KMT2A: variants seen among roughly 807,000 people sequenced by gnomAD.
The protein encoded by KMT2A is histone-lysine N-methyltransferase 2A.
Under a neutral mutation model 345.3 loss-of-function variants are expected in KMT2A, and 16 were observed. That is an observed-to-expected ratio of 0.05 (90% CI 0.03 to 0.07). The LOEUF is 0.07. KMT2A is among the 10% of genes least tolerant of loss of function. The pLI, the probability that KMT2A is intolerant of heterozygous loss-of-function variation, is 1.00. For synonymous variants in KMT2A, 1,599 were observed against 1,778.6 expected (o/e 0.90, Z 2.54); for missense variants, 3,272 against 4,841.6 (o/e 0.68, Z 9.62).
In KMT2A at chr11:118,505,230, C is replaced by A; in HGVS notation, c.9338C>A (p.Ser3113Tyr). ...ATCCAATTGACCTCTTCTGTTAGTT[C>A]TACACCCAGTGTGATGGAGACAAAT... ...QKIQLTSSVS[S>Y]TPSVMETNTS... The change falls in exon 27 of 36, where the codon TCT (serine) becomes TAT (tyrosine). Residue 3113 changes from serine (S) to tyrosine (Y), a missense_variant. This residue lies in a region of KMT2A where 748 missense variants were observed against 922.2 expected (regional missense o/e 0.81). Transcript: ENST00000534358. The surrounding 1 kb of genome is among the most constrained non-coding windows in gnomAD (Gnocchi z 4.6). 6.2e-7 allele frequency: 1 copy of A among 1,614,118 alleles called. No homozygotes were observed. Among genetic ancestry groups the A allele is most frequent in the South Asian group, 1.1e-5 (1 of 91,066 alleles).
rs921145442 is a variant in KMT2A, at chr11:118,526,733, G to A, written c.*4561G>A. On this transcript the variant is annotated 3_prime_UTR_variant, in exon 36 of 36. Transcript: ENST00000534358. ...AATGTAAAAGTAAAAAGTGTACATA[G>A]TTGTAAAAAAAAGGAGTTTTTAAAC... is the stretch of plus-strand genomic sequence containing the variant. 2.6e-5 allele frequency: 6 copies of A among 229,962 alleles called. No homozygotes were observed. The highest frequency in any genetic ancestry group is 5.2e-5 in the Non-Finnish European group (6 of 116,230). 14.2% of individuals were successfully genotyped at this position (229,962 alleles called of 1,614,324 possible). A position where few individuals can be genotyped will look rare whatever the true frequency, so the allele number is the denominator to read the frequency against.
intron 31 of KMT2A, chr11:118,512,317 C>T (rs1950705774): frequency 2.4e-6 from 1 of 418,454 alleles, no homozygotes; most frequent in Non-Finnish European, 4.2e-6. Flanking sequence ...CTGGCCACCA[C>T]AAATCTACTT....
At chr11:118,464,278 G>C (rs1271990955) in intron 1 of KMT2A, among the ~76,000 whole-genome samples, 1 of 152,230 alleles carries the variant, frequency 6.6e-6, no homozygotes, top group African/African-American at 2.4e-5. Flanking sequence ...GCTCACGCCT[G>C]TTATCCCAGC....
At chr11:118,507,477 T>TAC in intron 27 of KMT2A, 52 bp from the exon 28 acceptor site, 1 of 1,491,378 alleles carries the variant, frequency 6.7e-7, no homozygotes, top group Non-Finnish European at 9.3e-7. Flanking sequence ...CCACATTCAG[T>TAC]ACATATTTAC....
At position 118,473,719 on chromosome 11, in the gene KMT2A, G is replaced by T; in HGVS notation, c.2560G>T (p.Ala854Ser). 1 of 1,614,028 alleles carries T rather than the reference G, an allele frequency of 6.2e-7. No individual in the cohort carries two copies. Among genetic ancestry groups the T allele is most frequent in the Non-Finnish European group, 8.5e-7 (1 of 1,180,000 alleles). ...TGAAAGAGGGAGAAATAAAGACAAG[G>T]CCCCCGAGGAGCTGTCCAAAGATCG... Reference protein sequence around the residue: ...QTERGRNKDKAPEELSKDRDA... With the variant: ...QTERGRNKDKSPEELSKDRDA... The change falls in exon 3 of 36, where the codon GCC (alanine) becomes TCC (serine). Residue 854 changes from alanine (A) to serine (S), a missense_variant. By Grantham distance (99) the Ala-to-Ser change is moderately conservative (BLOSUM62 1). Transcript: ENST00000534358. This position sits in a 1 kb window ranked among gnomAD's most constrained non-coding sequence, Gnocchi z 5.2.
rs1950394923 is a variant in KMT2A, at chr11:118,495,539, G to C, written c.5364-161G>C. Among the ~76,000 whole-genome samples, 1 of 152,084 alleles carries C rather than the reference G, an allele frequency of 6.6e-6. No individual in the cohort carries two copies. Among genetic ancestry groups the C allele is most frequent in the African/African-American group, 2.4e-5 (1 of 41,404 alleles). ...ATGTTGAGATATTTTTTAAAATATT[G>C]AGTTCTGTGTACTTCAGCAATTTTC... On this transcript the variant is annotated intron_variant, in intron 18 of 35. Coordinates refer to ENST00000534358, the MANE Select transcript of KMT2A (RefSeq NM_001197104.2). The surrounding 1 kb of genome is among the most constrained non-coding windows in gnomAD (Gnocchi z 4.1).
chr11:118,498,547 C>CT lies in KMT2A; in HGVS notation c.5961+22dup, dbSNP rs1555044769. 3.3e-6 allele frequency: 5 copies of CT among 1,499,892 alleles called. No homozygotes were observed. The highest frequency in any genetic ancestry group is 3.1e-5 in the African/African-American group (2 of 65,072). The allele number at this position is 1,499,892 out of a possible 1,614,324, so 92.9% of individuals were successfully genotyped here. Reference sequence around the variant, plus strand: ...AGGCGAAGTGAGAGAGCTTTAGTTGCTTTAAAAAAAAAAAAAAAGACTTTT... The same window carrying CT: ...AGGCGAAGTGAGAGAGCTTTAGTTGCTTTTAAAAAAAAAAAAAAAGACTTTT... On this transcript the variant is annotated intron_variant, in intron 22 of 35. Coordinates refer to ENST00000534358, the MANE Select transcript of KMT2A (RefSeq NM_001197104.2). This position sits in a 1 kb window ranked among gnomAD's most constrained non-coding sequence, Gnocchi z 4.4.
In KMT2A at chr11:118,498,124, G is replaced by A. The variant is rs2134365379; in HGVS notation, c.5802+51G>A. 1.3e-6 allele frequency: 2 copies of A among 1,595,668 alleles called. No homozygotes were observed. Among genetic ancestry groups the A allele is most frequent in the Non-Finnish European group, 1.7e-6 (2 of 1,166,054 alleles). On this transcript the variant is annotated intron_variant, in intron 21 of 35. Coordinates refer to ENST00000534358, the MANE Select transcript of KMT2A (RefSeq NM_001197104.2). The surrounding 1 kb of genome is among the most constrained non-coding windows in gnomAD (Gnocchi z 4.4). ...GAAAGAGATTCCCTCTCAGTTTCCAGATATTCTTCCTGTGGGTGAATATGG... is the reference window on the plus strand; with the variant it reads ...GAAAGAGATTCCCTCTCAGTTTCCAAATATTCTTCCTGTGGGTGAATATGG...
chr11:118,482,261 A>G (rs1218722671), intron 7 of KMT2A, among the ~76,000 whole-genome samples, 161 bp from the exon 8 acceptor site: 4 of 152,216 alleles, frequency 2.6e-5, no homozygotes, highest in African/African-American at 9.7e-5. Context: ...ACAGAAACAA[A>G]AAAAACAGTT....
intron 1 of KMT2A, among the ~76,000 whole-genome samples, chr11:118,444,169 G>A (rs985041821): frequency 4.6e-5 from 7 of 152,110 alleles, no homozygotes; most frequent in African/African-American, 1.7e-4. Flanking sequence ...AAACACTAGG[G>A]AAAAGTTAAT....
In KMT2A at chr11:118,502,246, C is replaced by T. The variant is rs1950511791; in HGVS notation, c.6506-152C>T. The T allele has an allele frequency of 1.9e-6, 1 of 516,722 alleles. No homozygotes were observed. The highest frequency in any genetic ancestry group is 3.8e-5 in the Admixed American group (1 of 26,086). 32.0% of individuals were successfully genotyped at this position (516,722 alleles called of 1,614,324 possible). ...CCAGCTTGGGTGACAGAGTGAGACA[C>T]TGTCTCAAAAAAGTAATAATAAATA... On this transcript the variant is annotated intron_variant, in intron 26 of 35. Transcript: ENST00000534358. This position sits in a 1 kb window ranked among gnomAD's most constrained non-coding sequence, Gnocchi z 4.9.
intron 25 of KMT2A, 132 bp from the exon 26 acceptor site, chr11:118,501,540 A>G (rs915866769): frequency 2.9e-6 from 2 of 698,254 alleles, no homozygotes; most frequent in African/African-American, 3.6e-5. Context: ...AAGCTGGGGG[A>G]AAAGTCATTT....
intron 10 of KMT2A, among the ~76,000 whole-genome samples, chr11:118,487,714 T>TGG (rs1555041270): frequency 6.6e-6 from 1 of 152,218 alleles, no homozygotes; most frequent in Admixed American, 6.5e-5. Flanking sequence ...CATGGTATAA[T>TGG]TACCAAATCA....
chr11:118,474,300 C>A lies in KMT2A; in HGVS notation c.3141C>A (p.Asp1047Glu), dbSNP rs374983006. The A allele has an allele frequency of 6.2e-7, 1 of 1,613,718 alleles. No homozygotes were observed. The highest frequency in any genetic ancestry group is 8.5e-7 in the Non-Finnish European group (1 of 1,179,970). ...AGAGTAAGAGTCTTAAACAAACCGACCAGCCCAAAGCACAGGTACTCTTTT... is the reference window on the plus strand; with the variant it reads ...AGAGTAAGAGTCTTAAACAAACCGAACAGCCCAAAGCACAGGTACTCTTTT... Reference protein sequence around the residue: ...IEKSKSLKQTDQPKAQGQESD... With the variant: ...IEKSKSLKQTEQPKAQGQESD... Residue 1047 changes from aspartate to glutamate, a missense_variant, in exon 3 of 36, where the codon GAC becomes GAA. By Grantham distance (45) the Asp-to-Glu change is conservative (BLOSUM62 2). This residue lies in a region of KMT2A where 29 missense variants were observed against 27.1 expected (regional missense o/e 1.07). Transcript: ENST00000534358.
Position 118,482,015 on chromosome 11 carries a change from C to T in KMT2A, c.3935C>T (p.Thr1312Ile), listed in dbSNP as rs909520354. ...ALVIPPQPPT[T>I]GPPRKEVPKT... ...GTCATCCCGCCTCAGCCACCTACTACAGGACCGCCAAGAAAAGAAGTTCCC... is the reference window on the plus strand; with the variant it reads ...GTCATCCCGCCTCAGCCACCTACTATAGGACCGCCAAGAAAAGAAGTTCCC... Residue 1312 changes from threonine (T) to isoleucine (I), a missense_variant, in exon 7 of 36, where the codon ACA becomes ATA. Thr to Ile is a moderately conservative substitution (Grantham distance 89, BLOSUM62 -1). Transcript: ENST00000534358. 4.5e-5 allele frequency: 72 copies of T among 1,614,046 alleles called. No homozygotes were observed. The highest frequency in any genetic ancestry group is 5.8e-5 in the Non-Finnish European group (68 of 1,180,012).
In KMT2A at chr11:118,505,630, T is replaced by C; in HGVS notation, c.9738T>C (p.Ile3246=). 6.2e-7 allele frequency: 1 copy of C among 1,614,144 alleles called. No homozygotes were observed. The highest frequency in any genetic ancestry group is 8.5e-7 in the Non-Finnish European group (1 of 1,180,010). The change falls in exon 27 of 36, where the codon ATT becomes ATC. Residue 3246 remains isoleucine (I), a synonymous_variant. Coordinates refer to ENST00000534358, the MANE Select transcript of KMT2A (RefSeq NM_001197104.2). The surrounding 1 kb of genome is among the most constrained non-coding windows in gnomAD (Gnocchi z 4.6). ...CTCCCTCTAGTACCCCTTCAAACAT[T>C]GCCCCTTCTGATGTGGTTTCTAATA... ...KLAPSSTPSN[I]APSDVVSNMT... is the part of the protein sequence containing the mutation.
intron 3 of KMT2A, 70 bp downstream of exon 3, chr11:118,474,385 T>G: frequency 6.6e-7 from 1 of 1,523,840 alleles, no homozygotes; most frequent in South Asian, 1.3e-5. Context: ...AGTTTTAGGC[T>G]AAGTGGTTCA....
chr11:118,489,820 A>G lies in KMT2A; in HGVS notation c.4508A>G (p.Asn1503Ser), dbSNP rs1950296342. The change falls in exon 12 of 36, where the codon AAC becomes AGC. Residue 1503 changes from asparagine to serine, a missense_variant. By Grantham distance (46) the Asn-to-Ser change is conservative. Coordinates refer to ENST00000534358, the MANE Select transcript of KMT2A (RefSeq NM_001197104.2). Reference sequence around the variant, plus strand: ...CTGCTGGAGTGTAATAAGTGCCGAAACAGCTATCACCCTGAGTGCCTGGGA... The same window carrying G: ...CTGCTGGAGTGTAATAAGTGCCGAAGCAGCTATCACCCTGAGTGCCTGGGA... ...KQLLECNKCR[N>S]SYHPECLGPN... The G allele has an allele frequency of 6.2e-7, 1 of 1,614,200 alleles. No individual in the cohort carries two copies. The highest frequency in any genetic ancestry group is 8.5e-7 in the Non-Finnish European group (1 of 1,180,024).
At chr11:118,438,376 T>C (rs1949242889) in intron 1 of KMT2A, among the ~76,000 whole-genome samples, 1 of 149,264 alleles carries the variant, frequency 6.7e-6, no homozygotes, top group Non-Finnish European at 1.5e-5. Context: ...GAGTTCAGGT[T>C]CAGCCAGTGG....
Sources: allele counts gnomAD v4.1 joint callset (sites outside exome capture counted in the v4.1 genomes callset), GRCh38; gene constraint gnomAD v4.1.1; regional missense constraint gnomAD v4.1.1; non-coding constraint Gnocchi (gnomAD v3.1); transcripts MANE v1.5; gene names NCBI Gene and HGNC (gene_info 2026-07-23, HGNC 2026-07-21).